The following GREB1L variants were observed in gnomAD, a reference collection of about 807,000 sequenced individuals.
The protein encoded by GREB1L is GREB1-like protein.
In GREB1L, 17 loss-of-function variants were observed where a neutral mutation model predicts 200.8. The ratio of observed to expected loss-of-function variants is 0.08; its 90% CI spans 0.06 to 0.13. The LOEUF is 0.13. GREB1L is among the 10% of genes least tolerant of loss of function. The pLI is 1.00. For missense variants in GREB1L, 1,657 were observed against 2,367.7 expected, an observed-to-expected ratio of 0.70 and a Z score of 6.23; for synonymous variants, 789 against 893.0, an observed-to-expected ratio of 0.88 and a Z score of 2.08.
intron 7 of GREB1L, among the ~76,000 whole-genome samples, chr18:21,423,735 G>A (rs1010027072): frequency 1.3e-5 from 2 of 152,094 alleles, no homozygotes; most frequent in African/African-American, 4.8e-5. Context: ...GGTAGCCCAC[G>A]CTTTTGGTCC....
intron 1 of GREB1L, among the ~76,000 whole-genome samples, chr18:21,259,720 T>TA (rs1208711863): frequency 1.2e-4 from 18 of 152,120 alleles, no homozygotes; most frequent in African/African-American, 4.3e-4. Flanking sequence ...AAGATGTTTT[T>TA]AACTTGTTCA....
intron 1 of GREB1L, among the ~76,000 whole-genome samples, chr18:21,339,487 A>G (rs2039236838): frequency 6.6e-6 from 1 of 152,202 alleles, no homozygotes; most frequent in African/African-American, 2.4e-5. Flanking sequence ...TTCTGTGACT[A>G]TGGAGAATTT....
At chr18:21,278,056 C>A (rs1369626202) in intron 1 of GREB1L, among the ~76,000 whole-genome samples, 3 of 152,148 alleles carry the variant, frequency 2.0e-5, no homozygotes, top group Admixed American at 6.5e-5. Context: ...AGTGTTGAAG[C>A]CATTTAGGCT....
intron 7 of GREB1L, among the ~76,000 whole-genome samples, chr18:21,421,551 G>A (rs2032148137): frequency 6.6e-6 from 1 of 152,154 alleles, no homozygotes; most frequent in Admixed American, 6.6e-5. Context: ...TCTACATTTT[G>A]TACAGGCATC....
chr18:21,517,519 A>C (rs919021807), intron 30 of GREB1L, among the ~76,000 whole-genome samples: 1 of 152,188 alleles, frequency 6.6e-6, no homozygotes, highest in East Asian at 1.9e-4. Context: ...TATGTAATAC[A>C]TGAGAGAAAT....
intron 1 of GREB1L, among the ~76,000 whole-genome samples, chr18:21,335,906 A>G (rs1257390997): frequency 1.3e-5 from 2 of 151,900 alleles, no homozygotes; most frequent in Non-Finnish European, 2.9e-5. Flanking sequence ...CTCGTGATCC[A>G]CCTTCCTCAG....
At chr18:21,292,660 C>T (rs992407455) in intron 1 of GREB1L, among the ~76,000 whole-genome samples, 2 of 152,156 alleles carry the variant, frequency 1.3e-5, no homozygotes, top group African/African-American at 2.4e-5. Context: ...TTTCAAGGTC[C>T]GTCCATGTAA....
intron 2 of GREB1L, among the ~76,000 whole-genome samples, chr18:21,378,225 G>C (rs1156265587): frequency 6.6e-6 from 1 of 152,100 alleles, no homozygotes; most frequent in African/African-American, 2.4e-5. Flanking sequence ...TGAATACCAT[G>C]GCATATGACA....
intron 31 of GREB1L, 118 bp downstream of exon 31, chr18:21,518,352 C>T: frequency 3.2e-6 from 3 of 940,294 alleles, no homozygotes; most frequent in Non-Finnish European, 4.7e-6. Context: ...CCAGTCTGGT[C>T]CTTTGCCAGA....
chr18:21,378,867 T>C (rs2040185402), intron 2 of GREB1L, among the ~76,000 whole-genome samples: 1 of 152,002 alleles, frequency 6.6e-6, no homozygotes, highest in Non-Finnish European at 1.5e-5. Context: ...TAAATTAATT[T>C]AGTGTTTTTT....
intron 1 of GREB1L, among the ~76,000 whole-genome samples, chr18:21,328,441 A>G: frequency 6.6e-6 from 1 of 152,248 alleles, no homozygotes; most frequent in East Asian, 1.9e-4. Context: ...GCTGAGCTGC[A>G]TGAAGCAGAA....
intron 1 of GREB1L, among the ~76,000 whole-genome samples, chr18:21,337,923 C>T (rs1264284152): frequency 3.3e-5 from 5 of 151,816 alleles, no homozygotes; most frequent in Non-Finnish European, 7.4e-5. Flanking sequence ...GGAGGCGGAG[C>T]TTGCAGTGAG....
chr18:21,424,441 T>G (rs1339019010), intron 7 of GREB1L, among the ~76,000 whole-genome samples: 1 of 152,014 alleles, frequency 6.6e-6, no homozygotes, highest in African/African-American at 2.4e-5. Flanking sequence ...GGATGGTGCA[T>G]GCCTGTAATC....
chr18:21,410,425 G>A (rs1347561083), intron 7 of GREB1L, among the ~76,000 whole-genome samples: 1 of 152,102 alleles, frequency 6.6e-6, no homozygotes, highest in Non-Finnish European at 1.5e-5. Flanking sequence ...GGAGGCTGAG[G>A]TGGGTAGGTC....
At chr18:21,427,962 G>A (rs1190929955) in intron 7 of GREB1L, among the ~76,000 whole-genome samples, 1 of 150,998 alleles carries the variant, frequency 6.6e-6, no homozygotes, top group Non-Finnish European at 1.5e-5. Context: ...AGGCGGAGGC[G>A]GGTGGATCAT....
chr18:21,442,019 C>T (rs1013439157), intron 10 of GREB1L, among the ~76,000 whole-genome samples: 1 of 152,118 alleles, frequency 6.6e-6, no homozygotes, highest in African/African-American at 2.4e-5. Flanking sequence ...AGCCAAACCA[C>T]AAAGAAATGA....
chr18:21,408,024 T>C (rs915236711), intron 7 of GREB1L, among the ~76,000 whole-genome samples: 1 of 152,124 alleles, frequency 6.6e-6, no homozygotes, highest in African/African-American at 2.4e-5. Context: ...TAAAGTTAGA[T>C]AGAAAAAATA....
intron 4 of GREB1L, among the ~76,000 whole-genome samples, chr18:21,394,978 C>T (rs1161476892): frequency 9.5e-5 from 14 of 147,758 alleles, no homozygotes; most frequent in African/African-American, 3.3e-4. Flanking sequence ...GTGGCGCACA[C>T]GCCTGTAATC....
At chr18:21,248,023 T>C (rs952279973) in intron 1 of GREB1L, among the ~76,000 whole-genome samples, 5 of 152,246 alleles carry the variant, frequency 3.3e-5, no homozygotes, top group African/African-American at 1.2e-4. Context: ...ATATTAGTTA[T>C]AAAATAATCC....
Sources: allele counts gnomAD v4.1 joint callset (sites outside exome capture counted in the v4.1 genomes callset), GRCh38; gene constraint gnomAD v4.1.1; transcripts MANE v1.5; gene names NCBI Gene and HGNC (gene_info 2026-07-23, HGNC 2026-07-21).